SLC11A2: variants seen among roughly 807,000 people sequenced by gnomAD.
The protein encoded by SLC11A2 is solute carrier family 11 member 2, also known as natural resistance-associated macrophage protein 2.
SLC11A2 carries 38 observed loss-of-function variants against 68.0 expected under a neutral mutation model. The observed-to-expected ratio is 0.56, with a 90% confidence interval of 0.43 to 0.73. The LOEUF (loss-of-function observed/expected upper bound fraction) is 0.73. Ranked by LOEUF, SLC11A2 falls within the 30% of genes least tolerant of loss-of-function variation. The pLI is 0.00. For missense variants in SLC11A2, 517 were observed against 690.5 expected (o/e 0.75, Z 2.82); for synonymous variants, 242 against 250.6 (o/e 0.97, Z 0.32).
the SLC11A2 span, among the ~76,000 whole-genome samples, chr12:50,969,631 G>A: frequency 0.098 from 14,860 of 151,596 alleles, 1,136 homozygotes; most frequent in African/African-American, 0.21. Context: ...CCTGGGAAGC[G>A]GAGGTTGCAG....
chr12:50,962,974 T>C, the SLC11A2 span, among the ~76,000 whole-genome samples: 2 of 152,100 alleles, frequency 1.3e-5, no homozygotes, highest in South Asian at 4.1e-4. Context: ...TAATGTTTAA[T>C]GAGGGATTTA....
downstream of SLC11A2, among the ~76,000 whole-genome samples, chr12:50,984,546 C>G (rs1940363381): frequency 6.6e-6 from 1 of 152,144 alleles, no homozygotes; most frequent in African/African-American, 2.4e-5. Context: ...AGACCACTTT[C>G]ATTGGAGATG....
chr12:51,025,609 G>A (rs1592470270), intron 1 of SLC11A2: 1 of 314,354 alleles, frequency 3.2e-6, no homozygotes, highest in Non-Finnish European at 4.6e-6. Context: ...TCACATTTAA[G>A]CGGTAGCTTT....
chr12:51,028,215 T>A, upstream of SLC11A2: 1 of 1,535,666 alleles, frequency 6.5e-7, no homozygotes, highest in South Asian at 1.2e-5. Flanking sequence ...CTTCAGCTGC[T>A]TCTTCCTCAT....
chr12:50,954,161 C>T, the SLC11A2 span: 8 of 901,594 alleles, frequency 8.9e-6, no homozygotes, highest in East Asian at 5.0e-5. Flanking sequence ...AGTGCCTTTG[C>T]GGATTGAAAT....
At chr12:51,022,049 C>T (rs1944081565) in intron 1 of SLC11A2, among the ~76,000 whole-genome samples, 1 of 152,168 alleles carries the variant, frequency 6.6e-6, no homozygotes. Context: ...TCCCTGAATG[C>T]TCACAAGTCA....
Position 50,993,992 on chromosome 12 carries a change from CAAAAAAAAAA to C in SLC11A2, c.1077+542_1077+551del, listed in dbSNP as rs71663850. On this transcript the variant is annotated intron_variant, in intron 11 of 15. Transcript: ENST00000262052. ...GGGCAACAGAGCAAGACCTTGTCTC[CAAAAAAAAAA>C]AAAAAAAAAAAAAAAGCTGGGGTGT... is the stretch of plus-strand genomic sequence containing the variant. 5.1e-3 allele frequency among the ~76,000 whole-genome samples: 249 copies of C among 48,412 alleles called. 4 individuals carry two copies. The highest frequency in any genetic ancestry group is 0.017 in the African/African-American group (231 of 13,214). The allele number at this position is 48,412 out of a possible 152,430, so 31.8% of individuals were successfully genotyped here.
rs1362394222 is a variant in SLC11A2 at position 50,992,202 on chromosome 12, T to C, written c.1335A>G (p.Leu445=). ...GCTTCCTCCTCACCTGTAAGCTCTGTAGAACATTCAGAAAGTCATTCATCC... is the reference window on the plus strand; with the variant it reads ...GCTTCCTCCTCACCTGTAAGCTCTGCAGAACATTCAGAAAGTCATTCATCC... ...LTGMNDFLNV[L]QSLQLPFALI... The change falls in exon 13 of 16, where the codon CTA becomes CTG. Residue 445 remains leucine (L), a synonymous_variant. Transcript: ENST00000262052. 7 of 1,613,906 alleles carry C rather than the reference T, an allele frequency of 4.3e-6. No homozygotes were observed. Among genetic ancestry groups the C allele is most frequent in the Middle Eastern group, 1.6e-4 (1 of 6,082 alleles).
At chr12:51,011,363 C>G (rs575437301) in intron 1 of SLC11A2, among the ~76,000 whole-genome samples, 1 of 151,798 alleles carries the variant, frequency 6.6e-6, no homozygotes, top group African/African-American at 2.4e-5. Context: ...CTGCTGACCT[C>G]GTGATCCGCC....
intron 15 of SLC11A2, among the ~76,000 whole-genome samples, chr12:50,990,275 G>A (rs1941018363): frequency 6.6e-6 from 1 of 152,110 alleles, no homozygotes; most frequent in Non-Finnish European, 1.5e-5. Context: ...TGCCACATGT[G>A]TCCCACCCCG....
chr12:50,968,716 A>G, the SLC11A2 span, among the ~76,000 whole-genome samples: 1,067 of 151,752 alleles, frequency 7.0e-3, 20 homozygotes, highest in African/African-American at 0.024. Context: ...TAATTTTTGT[A>G]TTTTTAGTAG....
rs546279823 is a variant in SLC11A2 at position 50,995,421 on chromosome 12, A to T, written c.990+208T>A. ...GTTTTCTGTTTGTTGACTACTCCCA[A>T]ACAAAAGCTGAGAAAGAGGGTCCAG... On this transcript the variant is annotated intron_variant, in intron 10 of 15. Transcript: ENST00000262052. Among the ~76,000 whole-genome samples, 5 of 152,314 alleles carry T rather than the reference A, an allele frequency of 3.3e-5. No individual in the cohort carries two copies. The East Asian group carries it at 5.8e-4, about 18-fold the overall frequency.
chr12:50,994,425 A>G, intron 11 of SLC11A2, 119 bp downstream of exon 11: 1 of 736,622 alleles, frequency 1.4e-6, no homozygotes, highest in Non-Finnish European at 2.5e-6. Context: ...TGGAACTCTG[A>G]AATAAATGAC....
chr12:51,021,674 T>C (rs1057195565), intron 1 of SLC11A2, among the ~76,000 whole-genome samples: 1 of 151,740 alleles, frequency 6.6e-6, no homozygotes, highest in Non-Finnish European at 1.5e-5. Flanking sequence ...CCAAGTTTGC[T>C]GTTTCTCACC....
At chr12:51,002,880 T>G (rs1942388091) in intron 5 of SLC11A2, among the ~76,000 whole-genome samples, 1 of 149,602 alleles carries the variant, frequency 6.7e-6, no homozygotes, top group Non-Finnish European at 1.5e-5. Context: ...GCGGAGGTTG[T>G]GGTGAGCTGA....
chr12:50,969,559 G>A, the SLC11A2 span, among the ~76,000 whole-genome samples: 33 of 152,062 alleles, frequency 2.2e-4, no homozygotes, highest in Admixed American at 1.9e-3. Context: ...AATTAGCTGG[G>A]CATGGTGGTG....
At chr12:50,998,188 T>A (rs1941900789) in intron 8 of SLC11A2, among the ~76,000 whole-genome samples, 1 of 150,036 alleles carries the variant, frequency 6.7e-6, no homozygotes, top group Non-Finnish European at 1.5e-5. Flanking sequence ...AGAAACCCCA[T>A]CTCTACTAAA....
downstream of SLC11A2, among the ~76,000 whole-genome samples, chr12:50,981,990 G>T (rs1223745817): frequency 6.6e-6 from 1 of 152,114 alleles, no homozygotes; most frequent in East Asian, 1.9e-4. Context: ...CAAAATAACA[G>T]GTAGGAGCTG....
Position 50,992,311 on chromosome 12 carries a change from A to C in SLC11A2, c.1226T>G (p.Phe409Cys). 2 of 1,614,136 alleles carry C rather than the reference A, an allele frequency of 1.2e-6. No homozygotes were observed. Among genetic ancestry groups the C allele is most frequent in the Non-Finnish European group, 1.7e-6 (2 of 1,179,992 alleles). Residue 409 changes from phenylalanine (F) to cysteine (C), a missense_variant, in exon 13 of 16, where the codon TTT becomes TGT. Transcript: ENST00000262052. ...EGFLNLKWSR[F>C]ARVVLTRSIA... Reference sequence around the variant, plus strand: ...AGAGCGAGTCAGAACCACTCGGGCAAAGCGTGACCACTTTAGGTTCAGGAA... The same window carrying C: ...AGAGCGAGTCAGAACCACTCGGGCACAGCGTGACCACTTTAGGTTCAGGAA...
Sources: allele counts gnomAD v4.1 joint callset (sites outside exome capture counted in the v4.1 genomes callset), GRCh38; gene constraint gnomAD v4.1.1; transcripts MANE v1.5; gene names NCBI Gene and HGNC (gene_info 2026-07-23, HGNC 2026-07-21).